TEX11: variants seen among roughly 807,000 people sequenced by gnomAD.
TEX11 encodes the protein testis-expressed protein 11.
A neutral mutation model predicts 84.4 loss-of-function variants in TEX11; 7 were observed. That is an observed-to-expected ratio of 0.08 (90% CI 0.05 to 0.16). The LOEUF is 0.16. Ranked by LOEUF, TEX11 falls within the 10% of genes least tolerant of loss-of-function variation. TEX11 has a pLI of 1.00. For synonymous variants in TEX11, 264 were observed against 222.8 expected (o/e 1.18, Z -1.64); for missense variants, 551 against 660.5 (o/e 0.83, Z 1.82).
chrX:70,823,160 T>G (rs1283878321), intron 8 of TEX11, among the ~76,000 whole-genome samples: 1 of 111,143 alleles, frequency 9.0e-6, no homozygotes, highest in Non-Finnish European at 1.9e-5. Flanking sequence ...GAAAAGCAAA[T>G]ACTACATGAT....
At chrX:70,720,518 T>TA (rs762938610) in intron 13 of TEX11, among the ~76,000 whole-genome samples, 3 of 108,042 alleles carry the variant, frequency 2.8e-5, no homozygotes, top group African/African-American at 6.7e-5. Context: ...TAAAGTATAA[T>TA]AAAAAAAGAA....
intron 28 of TEX11, among the ~76,000 whole-genome samples, chrX:70,534,986 C>T (rs1237941640): frequency 9.0e-6 from 1 of 110,981 alleles, no homozygotes; most frequent in African/African-American, 3.3e-5. Flanking sequence ...CCCTACCCCA[C>T]TAAGCCCTGG....
chrX:70,559,483 C>T (rs1387355685), intron 25 of TEX11, among the ~76,000 whole-genome samples: 2 of 111,879 alleles, frequency 1.8e-5, no homozygotes, highest in Non-Finnish European at 3.8e-5. Context: ...AATTGATTGT[C>T]AGTGGTGGTT....
intron 13 of TEX11, among the ~76,000 whole-genome samples, chrX:70,716,722 A>G (rs962731359): frequency 2.7e-5 from 3 of 111,974 alleles, no homozygotes; most frequent in Non-Finnish European, 5.6e-5. Context: ...GACCCCTTGT[A>G]CTTTCCGGGT....
chrX:70,600,204 T>C (rs139823913), intron 24 of TEX11, among the ~76,000 whole-genome samples: 1,925 of 111,977 alleles, frequency 0.017, 42 homozygotes, highest in African/African-American at 0.059. Context: ...TTTTTAACGA[T>C]TGCCATTCTA....
chrX:70,791,674 G>T (rs2091119031), intron 9 of TEX11, among the ~76,000 whole-genome samples: 1 of 111,940 alleles, frequency 8.9e-6, no homozygotes, highest in African/African-American at 3.3e-5. Context: ...AGACCACAGT[G>T]CAATAAAAAT....
At chrX:70,569,304 C>T (rs750033339) in intron 25 of TEX11, among the ~76,000 whole-genome samples, 4 of 111,496 alleles carry the variant, frequency 3.6e-5, no homozygotes, top group African/African-American at 1.3e-4. Context: ...GTTATATATT[C>T]GTCTAAATTT....
chrX:70,518,952 T>C, the TEX11 span, among the ~76,000 whole-genome samples: 1 of 111,979 alleles, frequency 8.9e-6, no homozygotes, highest in South Asian at 3.7e-4. Flanking sequence ...CTTTTTTGTT[T>C]TCCATTTTCT....
At chrX:70,518,008 CTCTTT>C in the TEX11 span, among the ~76,000 whole-genome samples, 1 of 109,130 alleles carries the variant, frequency 9.2e-6, no homozygotes, top group Non-Finnish European at 1.9e-5. Flanking sequence ...TGATTCTTCT[CTCTTT>C]TCTTCTTTAT....
chrX:70,620,067 G>T (rs191116096), intron 20 of TEX11, among the ~76,000 whole-genome samples: 90 of 110,550 alleles, frequency 8.1e-4, no homozygotes, highest in African/African-American at 2.7e-3. Flanking sequence ...CTTGTGATCC[G>T]CCCGCCTCGG....
chrX:70,577,064 C>A (rs931450307), intron 25 of TEX11, among the ~76,000 whole-genome samples: 3 of 111,710 alleles, frequency 2.7e-5, no homozygotes, highest in Non-Finnish European at 5.6e-5. Flanking sequence ...CAAGAACTCA[C>A]ATACACAACA....
chrX:70,805,935 A>C (rs2147807678), intron 9 of TEX11, among the ~76,000 whole-genome samples: 1 of 111,843 alleles, frequency 8.9e-6, no homozygotes, highest in South Asian at 3.7e-4. Flanking sequence ...TTAGTATAGT[A>C]CTCAGCATAC....
In TEX11 at chrX:70,836,670, C is replaced by T. The variant is rs768527347; in HGVS notation, c.526-3077G>A. ...ACAATAAAAAAATTGGTCACAATAC[C>T]AAATGCTGTCAAGGATGCAAAGAAA... On this transcript the variant is annotated intron_variant, in intron 7 of 29. Coordinates refer to ENST00000374333, the MANE Select transcript of TEX11 (RefSeq NM_031276.3). Among the ~76,000 whole-genome samples the T allele has an allele frequency of 1.1e-4, 12 of 111,685 alleles. No homozygotes were observed. In the East Asian group the frequency reaches 3.1e-3, roughly 29 times the overall value.
At chrX:70,819,544 T>A (rs1273455616) in intron 8 of TEX11, among the ~76,000 whole-genome samples, 1 of 110,761 alleles carries the variant, frequency 9.0e-6, no homozygotes, top group Non-Finnish European at 1.9e-5. Flanking sequence ...AGCCCATCCC[T>A]CAACACTTCT....
intron 8 of TEX11, among the ~76,000 whole-genome samples, chrX:70,820,554 C>G (rs1199197114): frequency 8.9e-6 from 1 of 112,027 alleles, no homozygotes; most frequent in African/African-American, 3.2e-5. Context: ...AGCTTCTCAG[C>G]TTCTGATGAG....
chrX:70,803,501 G>T (rs1265782333), intron 9 of TEX11, among the ~76,000 whole-genome samples: 1 of 111,897 alleles, frequency 8.9e-6, no homozygotes, highest in African/African-American at 3.2e-5. Context: ...GGAAATAAAT[G>T]AGCTTTTTAA....
chrX:70,773,030 C>CA (rs1023546419), intron 9 of TEX11, among the ~76,000 whole-genome samples: 12 of 108,742 alleles, frequency 1.1e-4, no homozygotes, highest in South Asian at 8.0e-4. Context: ...ACAACAACAA[C>CA]AAAAAAAACA....
intron 20 of TEX11, among the ~76,000 whole-genome samples, chrX:70,621,633 A>G (rs1314927381): frequency 2.1e-5 from 2 of 97,138 alleles, no homozygotes; most frequent in Admixed American, 2.3e-4. Context: ...ACTTAAAGCA[A>G]ACAAAGGAAT....
At chrX:70,589,099 T>C (rs924246993) in intron 25 of TEX11, among the ~76,000 whole-genome samples, 5 of 110,854 alleles carry the variant, frequency 4.5e-5, no homozygotes, top group African/African-American at 1.6e-4. Flanking sequence ...TAGATAGTGG[T>C]AATGGTTGTA....
Sources: gnomAD v4.1 joint callset for allele counts (sites outside exome capture counted in the v4.1 genomes callset) on GRCh38, gnomAD v4.1.1 for gene constraint, MANE v1.5 for transcripts, NCBI Gene and HGNC (gene_info 2026-07-23, HGNC 2026-07-21) for gene names.